IGFBP5: variants seen among roughly 807,000 people sequenced by gnomAD.
IGFBP5 encodes insulin like growth factor binding protein 5.
In IGFBP5, 12 loss-of-function variants were observed where a neutral mutation model predicts 28.0. The observed-to-expected ratio is 0.43, with a 90% CI of 0.27 to 0.69. The LOEUF is 0.69. Ranked by LOEUF, IGFBP5 falls within the 30% of genes least tolerant of loss-of-function variation. The pLI, the probability that IGFBP5 is intolerant of heterozygous loss-of-function variation, is 0.20. For synonymous variants in IGFBP5, 152 were observed against 150.2 expected (o/e 1.01, Z -0.09); for missense variants, 344 against 381.6 (o/e 0.90, Z 0.82).
Position 216,694,393 on chromosome 2 carries a change from C to T in IGFBP5, c.337+46G>A. 1 of 1,428,356 alleles carries T rather than the reference C, an allele frequency of 7.0e-7. No homozygotes were observed. The highest frequency in any genetic ancestry group is 9.2e-7 in the Non-Finnish European group (1 of 1,087,948). The allele number at this position is 1,428,356 out of a possible 1,614,324, so 88.5% of individuals were successfully genotyped here. A position where few individuals can be genotyped will look rare whatever the true frequency, so the allele number is the denominator to read the frequency against. ...CGCGGGCCCAGCCGGTCTCGTGTCCCCCGCCCGTGCGCCGCGTAACTGACT... is the reference window on the plus strand; with the variant it reads ...CGCGGGCCCAGCCGGTCTCGTGTCCTCCGCCCGTGCGCCGCGTAACTGACT... On this transcript the variant is annotated intron_variant, in intron 1 of 3. Transcript: ENST00000233813. The surrounding 1 kb of genome is among the most constrained non-coding windows in gnomAD (Gnocchi z 5.2).
At position 216,676,712 on chromosome 2, in the gene IGFBP5, G is replaced by A. The variant is rs1688903633; in HGVS notation, c.*39C>T. 5.5e-6 allele frequency: 8 copies of A among 1,464,772 alleles called. No individual in the cohort carries two copies. The highest frequency in any genetic ancestry group is 7.5e-6 in the Non-Finnish European group (8 of 1,063,414). 90.7% of individuals were successfully genotyped at this position (1,464,772 alleles called of 1,614,324 possible). On this transcript the variant is annotated 3_prime_UTR_variant, in exon 4 of 4. Transcript: ENST00000233813. ...AGGCGCTGGCTGGAGTCGGGGCTGGGGGTGGGAGGGGGTGAGGGAAAGGTT... is the reference window on the plus strand; with the variant it reads ...AGGCGCTGGCTGGAGTCGGGGCTGGAGGTGGGAGGGGGTGAGGGAAAGGTT...
At chr2:216,677,313 T>C (rs1333638362) in intron 3 of IGFBP5, among the ~76,000 whole-genome samples, 1 of 152,180 alleles carries the variant, frequency 6.6e-6, no homozygotes, top group African/African-American at 2.4e-5. Flanking sequence ...AAGAGAGTTA[T>C]GATCCAATAA....
At position 216,675,919 on chromosome 2, in the gene IGFBP5, G is replaced by A. The variant is rs1235571574; in HGVS notation, c.*832C>T. On this transcript the variant is annotated 3_prime_UTR_variant, in exon 4 of 4. Coordinates refer to ENST00000233813, the MANE Select transcript of IGFBP5 (RefSeq NM_000599.4). ...CGCTTCAGCATGTACTGTAGTCACC[G>A]TGGAAGAACAAGTCTTTCCAATATT... 1.3e-5 allele frequency: 2 copies of A among 152,252 alleles called. No homozygotes were observed. The highest frequency in any genetic ancestry group is 2.1e-4 in the South Asian group (1 of 4,824). The allele number at this position is 152,252 out of a possible 1,614,324, so 9.4% of individuals were successfully genotyped here. A position where few individuals can be genotyped will look rare whatever the true frequency, so the allele number is the denominator to read the frequency against.
At chr2:216,693,393 T>C (rs1689124735) in intron 1 of IGFBP5, among the ~76,000 whole-genome samples, 1 of 129,218 alleles carries the variant, frequency 7.7e-6, no homozygotes, top group African/African-American at 2.9e-5. Context: ...GGGCCCCTCA[T>C]GCACTTAATC....
chr2:216,684,452 C>A (rs950624737), intron 1 of IGFBP5, among the ~76,000 whole-genome samples: 2 of 152,302 alleles, frequency 1.3e-5, no homozygotes, highest in Admixed American at 1.3e-4. Context: ...CCTTAGCTTA[C>A]AAAAATCGAA....
chr2:216,690,509 G>A (rs373011175), intron 1 of IGFBP5, among the ~76,000 whole-genome samples: 2 of 114,680 alleles, frequency 1.7e-5, no homozygotes, highest in African/African-American at 3.1e-5. Flanking sequence ...TGGCTTCTTC[G>A]CTCCATTAAG....
At chr2:216,680,006 T>A (rs1688953286) in intron 1 of IGFBP5, among the ~76,000 whole-genome samples, 9 of 152,148 alleles carry the variant, frequency 5.9e-5, no homozygotes. Context: ...CTTTTCTTGG[T>A]GCGCAGTTTT....
In IGFBP5 at chr2:216,675,580, A is replaced by G. The variant is rs1688886106; in HGVS notation, c.*1171T>C. ...CACAAAAAAGCTGAGTTTATTGCTCACGGGAAACTCTGCCTCGAGGCAGGC... is the reference window on the plus strand; with the variant it reads ...CACAAAAAAGCTGAGTTTATTGCTCGCGGGAAACTCTGCCTCGAGGCAGGC... On this transcript the variant is annotated 3_prime_UTR_variant, in exon 4 of 4. Transcript: ENST00000233813. 4.6e-5 allele frequency: 7 copies of G among 152,186 alleles called. No individual in the cohort carries two copies. Among genetic ancestry groups the G allele is most frequent in the Admixed American group, 4.6e-4 (7 of 15,288 alleles). The allele number at this position is 152,186 out of a possible 1,614,324, so 9.4% of individuals were successfully genotyped here. A position where few individuals can be genotyped will look rare whatever the true frequency, so the allele number is the denominator to read the frequency against.
chr2:216,678,069 T>A (rs1688923769), intron 3 of IGFBP5, 43 bp downstream of exon 3: 1 of 1,376,862 alleles, frequency 7.3e-7, no homozygotes, highest in East Asian at 2.7e-5. Context: ...CAGGTGCCAT[T>A]TTTGGAGCAG....
chr2:216,678,792 T>C lies in IGFBP5; in HGVS notation c.567+58A>G, dbSNP rs543027556. 2.7e-5 allele frequency: 38 copies of C among 1,411,580 alleles called. No individual in the cohort carries two copies. In the East Asian group the frequency reaches 8.4e-4, roughly 31 times the overall value. The allele number at this position is 1,411,580 out of a possible 1,614,324, so 87.4% of individuals were successfully genotyped here. A position where few individuals can be genotyped will look rare whatever the true frequency, so the allele number is the denominator to read the frequency against. On this transcript the variant is annotated intron_variant, in intron 2 of 3. Coordinates refer to ENST00000233813, the MANE Select transcript of IGFBP5 (RefSeq NM_000599.4). ...CACCTCCTGCCGCCATGAATGTCCA[T>C]TTAGATGCAGGAAAAGGTCAAAAGC... is the stretch of plus-strand genomic sequence containing the variant.
rs946409130 is a variant in IGFBP5, at chr2:216,692,710, T to C, written c.337+1729A>G. On this transcript the variant is annotated intron_variant, in intron 1 of 3. Transcript: ENST00000233813. The surrounding 1 kb of genome is among the most constrained non-coding windows in gnomAD (Gnocchi z 4.2). The stretch of plus-strand genomic sequence containing the variant: ...AAAAATAATCTCACAAGCCGGTCTC[T>C]GGGGTTCCCAGAGCCTGCACATCCT... Among the ~76,000 whole-genome samples the C allele has an allele frequency of 6.6e-6, 1 of 152,126 alleles. No homozygotes were observed. Among genetic ancestry groups the C allele is most frequent in the African/African-American group, 2.4e-5 (1 of 41,448 alleles).
At chr2:216,685,245 C>T (rs1689021104) in intron 1 of IGFBP5, among the ~76,000 whole-genome samples, 1 of 149,078 alleles carries the variant, frequency 6.7e-6, no homozygotes, top group Non-Finnish European at 1.5e-5. Context: ...CGTGCCACTA[C>T]ATTCCCCCCT....
In IGFBP5 at chr2:216,675,614, T is replaced by C. The variant is rs1001776542; in HGVS notation, c.*1137A>G. 6.6e-6 allele frequency: 1 copy of C among 152,112 alleles called. No individual in the cohort carries two copies. Among genetic ancestry groups the C allele is most frequent in the African/African-American group, 2.4e-5 (1 of 41,418 alleles). 9.4% of individuals were successfully genotyped at this position (152,112 alleles called of 1,614,324 possible). A position where few individuals can be genotyped will look rare whatever the true frequency, so the allele number is the denominator to read the frequency against. ...TCTGCCTCGAGGCAGGCAAAAATGCTATTACGGGTTGTATTAGGAGAATAT... is the reference window on the plus strand; with the variant it reads ...TCTGCCTCGAGGCAGGCAAAAATGCCATTACGGGTTGTATTAGGAGAATAT... On this transcript the variant is annotated 3_prime_UTR_variant, in exon 4 of 4. Coordinates refer to ENST00000233813, the MANE Select transcript of IGFBP5 (RefSeq NM_000599.4).
intron 1 of IGFBP5, among the ~76,000 whole-genome samples, chr2:216,682,523 G>T (rs555902681): frequency 6.6e-5 from 10 of 152,270 alleles, no homozygotes; most frequent in South Asian, 4.1e-4. Flanking sequence ...GTTGCAGAAG[G>T]GATCTAGGCA....
At chr2:216,678,642 G>A (rs1346377670) in intron 2 of IGFBP5, 19 of 593,230 alleles carry the variant, frequency 3.2e-5, no homozygotes, top group South Asian at 2.1e-4. Flanking sequence ...AATGAGCACC[G>A]CCTCTATTCC....
rs1344980323 is a variant in IGFBP5, at chr2:216,675,862, A to G, written c.*889T>C. Reference sequence around the variant, plus strand: ...CCCCACAGAGGCTGCTGCGCTACTTACAAATTGAATTAAATGAGGGCTGAA... The same window carrying G: ...CCCCACAGAGGCTGCTGCGCTACTTGCAAATTGAATTAAATGAGGGCTGAA... On this transcript the variant is annotated 3_prime_UTR_variant, in exon 4 of 4. Transcript: ENST00000233813. The G allele has an allele frequency of 6.6e-6, 1 of 151,772 alleles. No individual in the cohort carries two copies. The highest frequency in any genetic ancestry group is 1.5e-5 in the Non-Finnish European group (1 of 67,952). The allele number at this position is 151,772 out of a possible 1,614,324, so 9.4% of individuals were successfully genotyped here. A position where few individuals can be genotyped will look rare whatever the true frequency, so the allele number is the denominator to read the frequency against.
chr2:216,678,109 T>C lies in IGFBP5; in HGVS notation c.687+3A>G. ...AGCCTGGAGCTCAGGGCAGGGGACG[T>C]ACCTGCTTTCTCTTGTAGAATCCTT... On this transcript the variant is annotated splice_donor_region_variant and intron_variant, in intron 3 of 3. Coordinates refer to ENST00000233813, the MANE Select transcript of IGFBP5 (RefSeq NM_000599.4). 1.3e-6 allele frequency: 2 copies of C among 1,510,404 alleles called. No individual in the cohort carries two copies. The highest frequency in any genetic ancestry group is 1.4e-5 in the African/African-American group (1 of 71,908). 93.6% of individuals were successfully genotyped at this position (1,510,404 alleles called of 1,614,324 possible).
rs1375279069 is a variant in IGFBP5 at position 216,675,068 on chromosome 2, T to C, written c.*1683A>G. On this transcript the variant is annotated 3_prime_UTR_variant, in exon 4 of 4. Transcript: ENST00000233813. ...CCTCTCAAATCCTAGAAAATACATATGGTGGGGAAGCTAAGGAAATTTCTA... is the reference window on the plus strand; with the variant it reads ...CCTCTCAAATCCTAGAAAATACATACGGTGGGGAAGCTAAGGAAATTTCTA... 2.6e-5 allele frequency: 4 copies of C among 152,194 alleles called. No individual in the cohort carries two copies. Among genetic ancestry groups the C allele is most frequent in the African/African-American group, 7.2e-5 (3 of 41,442 alleles). 9.4% of individuals were successfully genotyped at this position (152,194 alleles called of 1,614,324 possible). A position where few individuals can be genotyped will look rare whatever the true frequency, so the allele number is the denominator to read the frequency against.
At chr2:216,682,797 C>T (rs991685095) in intron 1 of IGFBP5, among the ~76,000 whole-genome samples, 28 of 152,108 alleles carry the variant, frequency 1.8e-4, no homozygotes, top group African/African-American at 6.3e-4. Flanking sequence ...TAAGCTCCGC[C>T]TCCTGGGTTT....
Sources: gnomAD v4.1 joint callset for allele counts (sites outside exome capture counted in the v4.1 genomes callset) on GRCh38, gnomAD v4.1.1 for gene constraint, Gnocchi (gnomAD v3.1) non-coding constraint, MANE v1.5 for transcripts, NCBI Gene and HGNC (gene_info 2026-07-23, HGNC 2026-07-21) for gene names.